The following RSPO2 variants were observed in gnomAD, a reference collection of about 807,000 sequenced individuals.
RSPO2 encodes the protein R-spondin-2.
RSPO2 carries 14 observed loss-of-function variants against 30.9 expected under a neutral mutation model. The ratio of observed to expected loss-of-function variants is 0.45; its 90% CI spans 0.30 to 0.71. RSPO2 has a LOEUF of 0.71. RSPO2 is among the 30% of genes least tolerant of loss of function. The probability of loss-of-function intolerance (pLI) is 0.08; values close to 1 mark genes in which losing one functional copy is unlikely to be tolerated. For synonymous variants in RSPO2, 107 were observed against 96.4 expected, an observed-to-expected ratio of 1.11 and a Z score of -0.64; for missense variants, 264 against 301.9, an observed-to-expected ratio of 0.87 and a Z score of 0.93.
intron 2 of RSPO2, among the ~76,000 whole-genome samples, chr8:108,058,935 T>C (rs1346067854): frequency 6.6e-6 from 1 of 151,638 alleles, no homozygotes; most frequent in Non-Finnish European, 1.5e-5. Context: ...GACATAGGCA[T>C]GGGCAAGGAC....
chr8:107,954,605 T>TTTTATTTA (rs1554576269), intron 5 of RSPO2, among the ~76,000 whole-genome samples: 1 of 39,728 alleles, frequency 2.5e-5, no homozygotes, highest in African/African-American at 4.3e-5. Flanking sequence ...TATTTATTTA[T>TTTTATTTA]TTTATTTATT....
intron 2 of RSPO2, among the ~76,000 whole-genome samples, chr8:108,005,203 G>A (rs148605163): frequency 2.2e-4 from 33 of 152,234 alleles, no homozygotes; most frequent in Admixed American, 9.8e-4. Context: ...AGAGGCACAC[G>A]ATGCATTTTG....
chr8:108,059,062 A>G (rs1812360373), intron 2 of RSPO2, among the ~76,000 whole-genome samples: 1 of 151,906 alleles, frequency 6.6e-6, no homozygotes, highest in South Asian at 2.1e-4. Flanking sequence ...TGAAACAGGC[A>G]ACCTACAAAA....
intron 2 of RSPO2, among the ~76,000 whole-genome samples, chr8:107,998,652 T>TA (rs1815112851): frequency 6.6e-6 from 1 of 152,110 alleles, no homozygotes; most frequent in South Asian, 2.1e-4. Flanking sequence ...CTTTAATATT[T>TA]AGAAGGGCTA....
At chr8:108,070,691 G>A (rs1812819333) in intron 2 of RSPO2, among the ~76,000 whole-genome samples, 2 of 152,118 alleles carry the variant, frequency 1.3e-5, no homozygotes, top group Admixed American at 1.3e-4. Context: ...CATTACAGAT[G>A]GCTGTGGGGT....
At chr8:107,961,937 C>T (rs1813640477) in intron 3 of RSPO2, among the ~76,000 whole-genome samples, 1 of 152,178 alleles carries the variant, frequency 6.6e-6, no homozygotes, top group Non-Finnish European at 1.5e-5. Flanking sequence ...TTGGCATGCA[C>T]AGGTGAAAAT....
At chr8:107,948,009 A>C (rs1417727458) in intron 5 of RSPO2, among the ~76,000 whole-genome samples, 1 of 152,228 alleles carries the variant, frequency 6.6e-6, no homozygotes, top group Non-Finnish European at 1.5e-5. Context: ...ACTCCTCCTA[A>C]TATAAGTTAT....
intron 5 of RSPO2, among the ~76,000 whole-genome samples, chr8:107,906,621 A>G (rs1811656281): frequency 1.3e-5 from 2 of 152,086 alleles, no homozygotes; most frequent in South Asian, 2.1e-4. Flanking sequence ...CACTTCAGAC[A>G]TTAAGAATGG....
intron 5 of RSPO2, among the ~76,000 whole-genome samples, chr8:107,929,602 T>C (rs942831176): frequency 6.6e-6 from 1 of 152,112 alleles, no homozygotes; most frequent in Non-Finnish European, 1.5e-5. Context: ...TACAGATAAA[T>C]GGGTTCAGTT....
chr8:107,948,227 C>A (rs1434523422), intron 5 of RSPO2, among the ~76,000 whole-genome samples: 1 of 152,182 alleles, frequency 6.6e-6, no homozygotes, highest in Non-Finnish European at 1.5e-5. Context: ...TCCTCCCAAT[C>A]TTCCCATTTC....
Position 107,899,670 on chromosome 8 carries a change from A to G in RSPO2, c.*1405T>C, listed in dbSNP as rs899686670. On this transcript the variant is annotated 3_prime_UTR_variant, in exon 6 of 6. Coordinates refer to ENST00000276659, the MANE Select transcript of RSPO2 (RefSeq NM_178565.5). ...ACCTTGCTTTGTTTCAAAATCCACAACCATTATTTTTCTGTTCTAATTTTC... is the reference window on the plus strand; with the variant it reads ...ACCTTGCTTTGTTTCAAAATCCACAGCCATTATTTTTCTGTTCTAATTTTC... The G allele has an allele frequency of 2.6e-5, 4 of 152,570 alleles. No individual in the cohort carries two copies. The highest frequency in any genetic ancestry group is 2.1e-4 in the South Asian group (1 of 4,830). 9.5% of individuals were successfully genotyped at this position (152,570 alleles called of 1,614,324 possible).
At chr8:108,081,943 T>A (rs1236681737) in intron 2 of RSPO2, 1 of 978,974 alleles carries the variant, frequency 1.0e-6, no homozygotes, top group Admixed American at 6.4e-5. Context: ...CTCGTCGCAG[T>A]TTCCAGAAAA....
At chr8:108,034,476 G>A (rs1330815758) in intron 2 of RSPO2, among the ~76,000 whole-genome samples, 2 of 152,182 alleles carry the variant, frequency 1.3e-5, no homozygotes, top group Admixed American at 1.3e-4. Context: ...TAAAGTACAT[G>A]ATATCAGAGA....
At chr8:108,018,534 G>A (rs1050267675) in intron 2 of RSPO2, among the ~76,000 whole-genome samples, 5 of 152,160 alleles carry the variant, frequency 3.3e-5, no homozygotes, top group Admixed American at 3.3e-4. Flanking sequence ...AGCTATTCCA[G>A]CATTGGCTAA....
chr8:107,965,179 A>G (rs994137917), intron 3 of RSPO2, among the ~76,000 whole-genome samples: 11 of 152,194 alleles, frequency 7.2e-5, no homozygotes, highest in Admixed American at 3.9e-4. Flanking sequence ...AGTTCAGCCA[A>G]CTTACATGCT....
chr8:108,020,487 C>G (rs1811025120), intron 2 of RSPO2, among the ~76,000 whole-genome samples: 1 of 152,198 alleles, frequency 6.6e-6, no homozygotes, highest in Non-Finnish European at 1.5e-5. Flanking sequence ...TGAGCTATGT[C>G]TCATCTGTGC....
chr8:108,024,830 C>T (rs936317898), intron 2 of RSPO2, among the ~76,000 whole-genome samples: 14 of 152,042 alleles, frequency 9.2e-5, no homozygotes, highest in African/African-American at 3.1e-4. Flanking sequence ...GACCAGCTTG[C>T]GTGACATGGA....
At chr8:107,972,334 T>C (rs1233585173) in intron 3 of RSPO2, among the ~76,000 whole-genome samples, 1 of 152,042 alleles carries the variant, frequency 6.6e-6, no homozygotes, top group African/African-American at 2.4e-5. Context: ...TTTGTAGAGA[T>C]GGCGTTTCAT....
At chr8:108,060,131 T>C (rs1452366046) in intron 2 of RSPO2, among the ~76,000 whole-genome samples, 3 of 151,734 alleles carry the variant, frequency 2.0e-5, no homozygotes, top group Non-Finnish European at 2.9e-5. Context: ...GATTTCTGCA[T>C]TTCCAACTGA....
Sources: allele counts gnomAD v4.1 joint callset (sites outside exome capture counted in the v4.1 genomes callset), GRCh38; gene constraint gnomAD v4.1.1; transcripts MANE v1.5; gene names NCBI Gene and HGNC (gene_info 2026-07-23, HGNC 2026-07-21).